Variants in CNIH3 observed in about 807,000 individuals in gnomAD.
CNIH3 encodes the protein protein cornichon homolog 3.
CNIH3 carries 14 observed loss-of-function variants against 24.1 expected under a neutral mutation model. The observed-to-expected ratio is 0.58, with a 90% CI of 0.38 to 0.91. The LOEUF (loss-of-function observed/expected upper bound fraction) is 0.91, where lower values mean the gene tolerates loss of function less well. Among genes scored for constraint, CNIH3 ranks in the 40% least tolerant of loss-of-function variants. The pLI is 0.00. For missense variants in CNIH3, 178 were observed against 196.8 expected (o/e 0.90, Z 0.57); for synonymous variants, 68 against 73.8 (o/e 0.92, Z 0.40).
At chr1:224,446,584 A>G (rs972244037) in intron 1 of CNIH3, among the ~76,000 whole-genome samples, 1 of 152,202 alleles carries the variant, frequency 6.6e-6, no homozygotes, top group Non-Finnish European at 1.5e-5. Context: ...GACTATCAAC[A>G]GGGACTTCAT....
exon 2 of CNIH3, chr1:224,521,065 C>T (rs1189005503): frequency 6.6e-6 from 1 of 152,166 alleles, no homozygotes; most frequent in African/African-American, 2.4e-5. Flanking sequence ...GAGGCAGGAA[C>T]TGGGAATAGG....
chr1:224,626,802 A>G (rs1205266036), intron 1 of CNIH3, among the ~76,000 whole-genome samples: 1 of 152,102 alleles, frequency 6.6e-6, no homozygotes, highest in Non-Finnish European at 1.5e-5. Flanking sequence ...ACTTTATTGC[A>G]CCGTAGATAT....
chr1:224,484,408 T>C (rs6688925), intron 1 of CNIH3, among the ~76,000 whole-genome samples: 95,163 of 151,224 alleles, frequency 0.63, 30,751 homozygotes, highest in East Asian at 0.96. Context: ...CCAGCCTGGG[T>C]GACAGAGCGA....
chr1:224,484,890 A>G (rs1676966659), intron 1 of CNIH3, among the ~76,000 whole-genome samples: 1 of 152,242 alleles, frequency 6.6e-6, no homozygotes, highest in Non-Finnish European at 1.5e-5. Context: ...TATATAATAT[A>G]GTTGTAATGA....
At chr1:224,568,029 A>G (rs182332712) in intron 4 of CNIH3, among the ~76,000 whole-genome samples, 3 of 151,898 alleles carry the variant, frequency 2.0e-5, no homozygotes, top group East Asian at 1.9e-4. Flanking sequence ...CGGTGGCTCA[A>G]GCCTGTAATC....
chr1:224,698,281 G>T (rs1461992117), intron 3 of CNIH3, among the ~76,000 whole-genome samples: 1 of 152,212 alleles, frequency 6.6e-6, no homozygotes, highest in African/African-American at 2.4e-5. Flanking sequence ...TTTCCTTTCT[G>T]TATCAGCCAA....
At chr1:224,495,900 G>A (rs1178293652) in intron 1 of CNIH3, among the ~76,000 whole-genome samples, 1 of 152,166 alleles carries the variant, frequency 6.6e-6, no homozygotes, top group Non-Finnish European at 1.5e-5. Flanking sequence ...ATCAGCCTGT[G>A]AACACAGTGA....
downstream of CNIH3, among the ~76,000 whole-genome samples, chr1:224,592,283 A>C (rs1681793143): frequency 6.6e-6 from 1 of 152,170 alleles, no homozygotes; most frequent in African/African-American, 2.4e-5. Flanking sequence ...TTAAAAGCTG[A>C]GATTCTGGTC....
chr1:224,439,320 G>A (rs187743701), intron 1 of CNIH3, among the ~76,000 whole-genome samples: 17 of 152,286 alleles, frequency 1.1e-4, no homozygotes, highest in Admixed American at 7.8e-4. Context: ...AGCCAGCAGT[G>A]AACAGTTAGA....
chr1:224,671,217 C>T (rs1246819121), intron 1 of CNIH3, among the ~76,000 whole-genome samples: 1 of 152,236 alleles, frequency 6.6e-6, no homozygotes, highest in African/African-American at 2.4e-5. Flanking sequence ...TTCTGTTTCT[C>T]TAGGGAACCC....
At chr1:224,735,982 G>A (rs989905215) in intron 5 of CNIH3, among the ~76,000 whole-genome samples, 1 of 151,828 alleles carries the variant, frequency 6.6e-6, no homozygotes, top group Non-Finnish European at 1.5e-5. Flanking sequence ...TGTACGTATC[G>A]CTCAATTTAT....
chr1:224,501,302 T>G (rs532951052), intron 1 of CNIH3, among the ~76,000 whole-genome samples: 1 of 152,278 alleles, frequency 6.6e-6, no homozygotes, highest in African/African-American at 2.4e-5. Flanking sequence ...ACTATCATTA[T>G]TGAGAGCTTA....
At chr1:224,517,400 CG>C (rs1321056446) in intron 1 of CNIH3, among the ~76,000 whole-genome samples, 2 of 152,152 alleles carry the variant, frequency 1.3e-5, no homozygotes, top group Non-Finnish European at 2.9e-5. Context: ...TTTACTCACC[CG>C]CCTGGAGTGG....
chr1:224,522,314 G>A (rs953256290), intron 2 of CNIH3, among the ~76,000 whole-genome samples: 3 of 152,222 alleles, frequency 2.0e-5, no homozygotes, highest in Non-Finnish European at 4.4e-5. Context: ...TGAGTTCTCT[G>A]TTACATGATG....
chr1:224,468,211 A>G (rs1187407942), intron 1 of CNIH3, among the ~76,000 whole-genome samples: 1 of 152,144 alleles, frequency 6.6e-6, no homozygotes, highest in Non-Finnish European at 1.5e-5. Flanking sequence ...AGAATAAGTT[A>G]TTTATATCTA....
Position 224,739,964 on chromosome 1 carries a change from G to A in CNIH3, c.*608G>A, listed in dbSNP as rs2125255038. 6.6e-6 allele frequency: 1 copy of A among 152,442 alleles called. No homozygotes were observed. Among genetic ancestry groups the A allele is most frequent in the East Asian group, 1.9e-4 (1 of 5,180 alleles). 9.4% of individuals were successfully genotyped at this position (152,442 alleles called of 1,614,324 possible). On this transcript the variant is annotated 3_prime_UTR_variant, in exon 6 of 6. Transcript: ENST00000272133. ...CTGCTGGGCTATTTTCAGCTGAGGA[G>A]GGGTGAATATAGGAAAAATGCATTT...
At chr1:224,731,802 C>T (rs1303464682) in intron 4 of CNIH3, among the ~76,000 whole-genome samples, 5 of 152,162 alleles carry the variant, frequency 3.3e-5, no homozygotes, top group Non-Finnish European at 5.9e-5. Context: ...CATTCCAGGG[C>T]GAGGGCCCAG....
At chr1:224,680,894 A>C (rs7525096) in intron 1 of CNIH3, 64 bp from the exon 2 acceptor site, 194,982 of 1,235,516 alleles carry the variant, frequency 0.16, 16,239 homozygotes, top group African/African-American at 0.23. Flanking sequence ...AATCCACAGA[A>C]GCTTTGGACA....
intron 1 of CNIH3, among the ~76,000 whole-genome samples, chr1:224,497,597 T>C (rs898230151): frequency 2.0e-5 from 3 of 152,238 alleles, no homozygotes; most frequent in African/African-American, 7.2e-5. Flanking sequence ...TGCAAGAATA[T>C]GGGTTGGGAA....
Sources: allele counts gnomAD v4.1 joint callset (sites outside exome capture counted in the v4.1 genomes callset), GRCh38; gene constraint gnomAD v4.1.1; transcripts MANE v1.5; gene names NCBI Gene and HGNC (gene_info 2026-07-23, HGNC 2026-07-21).